Variants in PIK3C2G observed in about 807,000 individuals in gnomAD.
The protein encoded by PIK3C2G is phosphatidylinositol-4-phosphate 3-kinase catalytic subunit type 2 gamma.
PIK3C2G carries 168 observed loss-of-function variants against 181.1 expected under a neutral mutation model. The ratio of observed to expected loss-of-function variants is 0.93; its 90% CI spans 0.82 to 1.05. The LOEUF is 1.05. Ranked by LOEUF, PIK3C2G falls within the 50% of genes least tolerant of loss-of-function variation. The probability of loss-of-function intolerance (pLI) is 0.00; values close to 1 mark genes in which losing one functional copy is unlikely to be tolerated. For synonymous variants in PIK3C2G, 573 were observed against 592.2 expected, an observed-to-expected ratio of 0.97 and a Z score of 0.47; for missense variants, 1,869 against 1,732.8, an observed-to-expected ratio of 1.08 and a Z score of -1.40.
the PIK3C2G span, chr12:18,693,716 A>G: frequency 1.9e-6 from 3 of 1,554,598 alleles, no homozygotes; most frequent in Admixed American, 3.3e-5. Context: ...GGAACTGCTG[A>G]ACCAGTTGGA....
rs183988576 is a variant in PIK3C2G at position 18,386,715 on chromosome 12, A to G, written c.1996-4407A>G. ...TATACCCTATTTTATTTATTAATTTATCCGTCAATGTACATTTGGATTCTT... is the reference window on the plus strand; with the variant it reads ...TATACCCTATTTTATTTATTAATTTGTCCGTCAATGTACATTTGGATTCTT... On this transcript the variant is annotated intron_variant, in intron 14 of 32. Transcript: ENST00000538779. Among the ~76,000 whole-genome samples, 153 of 152,258 alleles carry G rather than the reference A, an allele frequency of 1.0e-3. 1 individual carries two copies. Among genetic ancestry groups the G allele is most frequent in the South Asian group, 7.9e-3 (38 of 4,822 alleles).
chr12:18,374,785 G>A (rs541151963), intron 13 of PIK3C2G, among the ~76,000 whole-genome samples: 104 of 152,214 alleles, frequency 6.8e-4, no homozygotes, highest in South Asian at 3.7e-3. Context: ...TCCTGTCCTC[G>A]AGATAGTGAC....
intron 1 of PIK3C2G, among the ~76,000 whole-genome samples, chr12:18,270,147 T>C (rs934094972): frequency 3.3e-5 from 5 of 151,894 alleles, no homozygotes; most frequent in Non-Finnish European, 7.4e-5. Context: ...CGACCTCAGG[T>C]GATCCACCCA....
At chr12:18,288,055 G>A (rs937764889) in intron 3 of PIK3C2G, among the ~76,000 whole-genome samples, 8 of 151,950 alleles carry the variant, frequency 5.3e-5, no homozygotes, top group South Asian at 4.2e-4. Flanking sequence ...CCAGCTACTC[G>A]GGAGGCTGAG....
intron 31 of PIK3C2G, among the ~76,000 whole-genome samples, chr12:18,622,032 T>C (rs913414147): frequency 6.6e-6 from 1 of 151,942 alleles, no homozygotes; most frequent in African/African-American, 2.4e-5. Flanking sequence ...CTAATTAACA[T>C]ATATCACCTC....
chr12:18,368,839 T>TC (rs1189765653), intron 12 of PIK3C2G, among the ~76,000 whole-genome samples: 2 of 152,112 alleles, frequency 1.3e-5, no homozygotes, highest in African/African-American at 4.8e-5. Flanking sequence ...AATTAACTTC[T>TC]CCTTATCCCC....
intron 26 of PIK3C2G, among the ~76,000 whole-genome samples, chr12:18,559,836 A>AGG (rs1945251161): frequency 9.6e-6 from 1 of 104,670 alleles, no homozygotes; most frequent in Non-Finnish European, 2.0e-5. Context: ...AGAGAGAGAG[A>AGG]GAGAGAGAGA....
the PIK3C2G span, among the ~76,000 whole-genome samples, chr12:18,665,396 A>G: frequency 6.6e-6 from 1 of 152,108 alleles, no homozygotes; most frequent in African/African-American, 2.4e-5. Flanking sequence ...TATTATTTGT[A>G]TTTCACCACA....
intron 1 of PIK3C2G, among the ~76,000 whole-genome samples, chr12:18,270,005 G>T (rs1948680906): frequency 6.6e-6 from 1 of 151,296 alleles, no homozygotes; most frequent in East Asian, 1.9e-4. Context: ...CACCTCCTGG[G>T]TTCAAGCAAT....
At chr12:18,670,014 C>A in the PIK3C2G span, among the ~76,000 whole-genome samples, 1 of 151,970 alleles carries the variant, frequency 6.6e-6, no homozygotes, top group Non-Finnish European at 1.5e-5. Flanking sequence ...AGTGGCTCAG[C>A]CCTTATGTCT....
chr12:18,505,373 A>G lies in PIK3C2G; in HGVS notation c.3235A>G (p.Asn1079Asp). 1.9e-6 allele frequency: 3 copies of G among 1,613,456 alleles called. No individual in the cohort carries two copies. Among genetic ancestry groups the G allele is most frequent in the Non-Finnish European group, 2.5e-6 (3 of 1,179,630 alleles). Reference protein sequence around the residue: ...ILGVCDRHNDNIMLTKSGHMF... With the variant: ...ILGVCDRHNDDIMLTKSGHMF... The stretch of plus-strand genomic sequence containing the variant: ...GGGAGTATGTGACCGTCACAATGAT[A>G]ATATCATGCTGACAAAGTCGGGCCA... The change falls in exon 24 of 33, where the codon AAT becomes GAT. Residue 1079 changes from asparagine to aspartate, a missense_variant. Transcript: ENST00000538779.
chr12:18,436,850 A>G (rs1237736794), intron 18 of PIK3C2G, among the ~76,000 whole-genome samples: 2 of 152,054 alleles, frequency 1.3e-5, no homozygotes. Context: ...GATCCCGTTC[A>G]TAGTGTGAGT....
At chr12:18,394,095 G>A (rs992877787) in intron 15 of PIK3C2G, among the ~76,000 whole-genome samples, 1 of 152,050 alleles carries the variant, frequency 6.6e-6, no homozygotes, top group Non-Finnish European at 1.5e-5. Flanking sequence ...ACACAATGCT[G>A]GGAGACATAG....
rs576247848 is a variant in PIK3C2G, at chr12:18,521,617, TG to T, written c.3323+16162del. Among the ~76,000 whole-genome samples the T allele has an allele frequency of 8.6e-3, 1,312 of 152,028 alleles. 8 individuals are homozygous for T. Among genetic ancestry groups the T allele is most frequent in the Non-Finnish European group, 0.015 (1,048 of 67,950 alleles). ...CCTCCTTGGCTCCAGCCAGGAGGGG[TG>T]GGGGGTTAGGAAGGGGGAGTGCAGC... On this transcript the variant is annotated intron_variant, in intron 24 of 32. Transcript: ENST00000538779.
In PIK3C2G at chr12:18,585,332, G is replaced by A. The variant is rs573014915; in HGVS notation, c.4012-9162G>A. ...TGACACAAATAGACTCAAAATAAAG[G>A]GATGGAAGAAAATCCACCAAGCAAA... is the stretch of plus-strand genomic sequence containing the variant. On this transcript the variant is annotated intron_variant, in intron 29 of 32. Transcript: ENST00000538779. 5.3e-5 allele frequency among the ~76,000 whole-genome samples: 8 copies of A among 151,536 alleles called. No homozygotes were observed. The South Asian group carries it at 1.7e-3, about 32-fold the overall frequency.
At chr12:18,637,684 A>G (rs530112400) in intron 31 of PIK3C2G, among the ~76,000 whole-genome samples, 1 of 152,366 alleles carries the variant, frequency 6.6e-6, no homozygotes, top group Non-Finnish European at 1.5e-5. Flanking sequence ...CTTGGCCTAC[A>G]GAGAAGAGTG....
chr12:18,400,379 T>C (rs1944179586), intron 16 of PIK3C2G, among the ~76,000 whole-genome samples: 1 of 152,224 alleles, frequency 6.6e-6, no homozygotes. Flanking sequence ...GAGAAGCTTG[T>C]AGGAACAACT....
chr12:18,378,869 T>A (rs1346094715), intron 13 of PIK3C2G, among the ~76,000 whole-genome samples: 1 of 152,122 alleles, frequency 6.6e-6, no homozygotes, highest in Admixed American at 6.6e-5. Context: ...AAACAACAGG[T>A]GCTGGAGAGG....
chr12:18,691,827 A>T, the PIK3C2G span, among the ~76,000 whole-genome samples: 1 of 152,190 alleles, frequency 6.6e-6, no homozygotes, highest in Non-Finnish European at 1.5e-5. Context: ...CAAACTCCTT[A>T]ACAGACAATA....
Sources: allele counts gnomAD v4.1 joint callset (sites outside exome capture counted in the v4.1 genomes callset), GRCh38; gene constraint gnomAD v4.1.1; transcripts MANE v1.5; gene names NCBI Gene and HGNC (gene_info 2026-07-23, HGNC 2026-07-21).